Variants in STK24 observed in about 807,000 individuals in gnomAD.
STK24 encodes the protein serine/threonine-protein kinase 24.
A neutral mutation model predicts 55.6 loss-of-function variants in STK24; 21 were observed. The observed-to-expected ratio is 0.38, with a 90% CI of 0.27 to 0.54. The LOEUF is 0.54. Among genes scored for constraint, STK24 ranks in the 20% least tolerant of loss-of-function variants. The pLI, the probability that STK24 is intolerant of heterozygous loss-of-function variation, is 0.79. For synonymous variants in STK24, 200 were observed against 215.2 expected, an observed-to-expected ratio of 0.93 and a Z score of 0.62; for missense variants, 383 against 538.4, an observed-to-expected ratio of 0.71 and a Z score of 2.86.
At chr13:98,544,943 G>A (rs772860799) in intron 1 of STK24, among the ~76,000 whole-genome samples, 4 of 152,122 alleles carry the variant, frequency 2.6e-5, no homozygotes, top group African/African-American at 7.2e-5. Flanking sequence ...GAATGGAAGC[G>A]CTAAAAAGAT....
chr13:98,543,031 G>T (rs1051981521), intron 1 of STK24: 1 of 985,252 alleles, frequency 1.0e-6, no homozygotes, highest in African/African-American at 1.7e-5. Flanking sequence ...CCCAAAGACT[G>T]AAGCCTCCGG....
intron 1 of STK24, among the ~76,000 whole-genome samples, chr13:98,531,138 A>G (rs1896569594): frequency 6.6e-6 from 1 of 152,238 alleles, no homozygotes; most frequent in African/African-American, 2.4e-5. Flanking sequence ...CTGTGCTGGA[A>G]GGAATAGTGA....
intron 1 of STK24, among the ~76,000 whole-genome samples, chr13:98,562,470 G>A (rs900375086): frequency 3.3e-5 from 5 of 152,142 alleles, no homozygotes; most frequent in African/African-American, 1.2e-4. Context: ...AGAAAGGAAC[G>A]GAATTACTAC....
intron 1 of STK24, among the ~76,000 whole-genome samples, chr13:98,546,898 G>GTTA (rs35604779): frequency 6.6e-6 from 1 of 151,216 alleles, no homozygotes; most frequent in Non-Finnish European, 1.5e-5. Context: ...ATATCTAATT[G>GTTA]TTGTTTTTTT....
chr13:98,545,577 T>A (rs1328618767), intron 1 of STK24, among the ~76,000 whole-genome samples: 3 of 144,286 alleles, frequency 2.1e-5, no homozygotes, highest in Non-Finnish European at 4.5e-5. Flanking sequence ...GAGCTTGCAG[T>A]GAGCCGAGAT....
At chr13:98,475,077 G>A (rs903460980) in intron 4 of STK24, 99 bp from the exon 5 acceptor site, 27 of 1,472,014 alleles carry the variant, frequency 1.8e-5, no homozygotes, top group Admixed American at 1.2e-4. Context: ...CGAACCCACC[G>A]AGCACAGGCA....
chr13:98,489,086 T>C (rs1894920405), intron 2 of STK24, among the ~76,000 whole-genome samples: 3 of 152,208 alleles, frequency 2.0e-5, no homozygotes, highest in Non-Finnish European at 2.9e-5. Context: ...TAAGGCCTGG[T>C]TTGCATCCAG....
rs1341429668 is a variant in STK24, at chr13:98,515,726, A to G, written c.273+3517T>C. Among the ~76,000 whole-genome samples the G allele has an allele frequency of 2.0e-5, 3 of 152,324 alleles. No homozygotes were observed. The East Asian group carries it at 5.8e-4, about 29-fold the overall frequency. On this transcript the variant is annotated intron_variant, in intron 2 of 10. Transcript: ENST00000539966. ...TGTTTTAAATCCTTTTTTCTAGACT[A>G]AAAGAATGAACCAAAACATAATTAT...
chr13:98,491,018 G>C (rs1159986478), intron 2 of STK24, among the ~76,000 whole-genome samples: 1 of 152,142 alleles, frequency 6.6e-6, no homozygotes, highest in Non-Finnish European at 1.5e-5. Flanking sequence ...AAAGCCGGGG[G>C]AGCTGTCAGG....
intron 7 of STK24, 25 bp downstream of exon 7, chr13:98,463,666 T>C (rs916155563): frequency 4.3e-6 from 7 of 1,609,494 alleles, no homozygotes; most frequent in Non-Finnish European, 5.9e-6. Context: ...ACACACATGC[T>C]TGGGTCACTC....
chr13:98,478,150 A>G (rs532035852), intron 3 of STK24, among the ~76,000 whole-genome samples: 61 of 152,324 alleles, frequency 4.0e-4, no homozygotes, highest in African/African-American at 1.4e-3. Flanking sequence ...TCTCCAAGTC[A>G]GCAGCTGGTG....
chr13:98,463,453 A>G (rs1025343553), intron 7 of STK24, among the ~76,000 whole-genome samples: 15 of 152,204 alleles, frequency 9.9e-5, no homozygotes. Flanking sequence ...AGCCAGGTCC[A>G]GTTCCCCATG....
At chr13:98,457,799 A>G (rs1469063453) in intron 9 of STK24, among the ~76,000 whole-genome samples, 1 of 152,142 alleles carries the variant, frequency 6.6e-6, no homozygotes. Context: ...GGTGATTCAA[A>G]TGCTCTGAGA....
At chr13:98,536,146 C>CA (rs1896729240) in intron 1 of STK24, among the ~76,000 whole-genome samples, 1 of 151,642 alleles carries the variant, frequency 6.6e-6, no homozygotes, top group African/African-American at 2.4e-5. Context: ...TCCTGCCCAC[C>CA]GGGGGGAAAA....
Position 98,446,628 on chromosome 13 carries a change from A to T in STK24, c.*6545T>A, listed in dbSNP as rs2281766. ...CAGCCAGGCCCAGCAGCAGAAGCTGACCCCGAAAAGCCACTTTGCTTTGTT... is the reference window on the plus strand; with the variant it reads ...CAGCCAGGCCCAGCAGCAGAAGCTGTCCCCGAAAAGCCACTTTGCTTTGTT... On this transcript the variant is annotated 3_prime_UTR_variant, in exon 11 of 11. Coordinates refer to ENST00000539966, the MANE Select transcript of STK24 (RefSeq NM_001032296.4). The T allele has an allele frequency of 6.2e-7, 1 of 1,607,876 alleles. No individual in the cohort carries two copies. The highest frequency in any genetic ancestry group is 8.5e-7 in the Non-Finnish European group (1 of 1,175,764).
Position 98,446,291 on chromosome 13 carries a change from C to G in STK24, c.*6882G>C, listed in dbSNP as rs573088053. The stretch of plus-strand genomic sequence containing the variant: ...GGGGCCGCCCTCCTCTGGAATGACT[C>G]AGGCCTCTTGGGCTCCAGGTGTCAC... On this transcript the variant is annotated 3_prime_UTR_variant, in exon 11 of 11. Transcript: ENST00000539966. 16 of 853,556 alleles carry G rather than the reference C, an allele frequency of 1.9e-5. No homozygotes were observed. In the South Asian group the frequency reaches 2.2e-4, roughly 12 times the overall value. The allele number at this position is 853,556 out of a possible 1,614,324, so 52.9% of individuals were successfully genotyped here. A position where few individuals can be genotyped will look rare whatever the true frequency, so the allele number is the denominator to read the frequency against.
chr13:98,555,014 C>CAAAAA (rs398024117), intron 1 of STK24, among the ~76,000 whole-genome samples: 116 of 88,092 alleles, frequency 1.3e-3, no homozygotes, highest in Admixed American at 2.0e-3. Context: ...GACTCCAACT[C>CAAAAA]AAAAAAAAAA....
intron 5 of STK24, among the ~76,000 whole-genome samples, chr13:98,469,253 A>C (rs1025959576): frequency 6.6e-6 from 1 of 152,196 alleles, no homozygotes; most frequent in Non-Finnish European, 1.5e-5. Flanking sequence ...AGCACCATCA[A>C]GAACAAACAT....
chr13:98,544,847 A>T (rs1896989326), intron 1 of STK24, among the ~76,000 whole-genome samples: 1 of 152,254 alleles, frequency 6.6e-6, no homozygotes, highest in African/African-American at 2.4e-5. Flanking sequence ...CTAGAGATGA[A>T]GGTAATAAAA....
Sources: allele counts gnomAD v4.1 joint callset (sites outside exome capture counted in the v4.1 genomes callset), GRCh38; gene constraint gnomAD v4.1.1; transcripts MANE v1.5; gene names NCBI Gene and HGNC (gene_info 2026-07-23, HGNC 2026-07-21).